HDAC4: variants seen among roughly 807,000 people sequenced by gnomAD.
HDAC4 encodes histone deacetylase A.
HDAC4 carries 16 observed loss-of-function variants against 135.1 expected under a neutral mutation model. That is an observed-to-expected ratio of 0.12 (90% confidence interval 0.08 to 0.18). The LOEUF is 0.18. Among genes scored for constraint, HDAC4 ranks in the 10% least tolerant of loss-of-function variants. HDAC4 has a pLI of 1.00. For synonymous variants in HDAC4, 685 were observed against 653.4 expected, an observed-to-expected ratio of 1.05 and a Z score of -0.74; for missense variants, 1,143 against 1,511.8, an observed-to-expected ratio of 0.76 and a Z score of 4.05.
chr2:239,092,509 C>A (rs994035648), intron 17 of HDAC4, among the ~76,000 whole-genome samples: 1 of 152,230 alleles, frequency 6.6e-6, no homozygotes, highest in Non-Finnish European at 1.5e-5. Context: ...ATTCTGCACA[C>A]CTGGGGTGCC....
In HDAC4 at chr2:239,049,652, G is replaced by A. The variant is rs112489844; in HGVS notation, c.*3445C>T. The A allele has an allele frequency of 6.6e-6, 1 of 152,502 alleles. No individual in the cohort carries two copies. The highest frequency in any genetic ancestry group is 1.5e-5 in the Non-Finnish European group (1 of 68,044). The allele number at this position is 152,502 out of a possible 1,614,324, so 9.4% of individuals were successfully genotyped here. On this transcript the variant is annotated 3_prime_UTR_variant, in exon 27 of 27. Coordinates refer to ENST00000543185, the MANE Select transcript of HDAC4 (RefSeq NM_001378414.1). ...AAAAATCAAACTTGCTTTTGTGTCA[G>A]ACCATTACGAAATGGTCCTTCCCCT... is the stretch of plus-strand genomic sequence containing the variant.
chr2:239,111,478 A>C, intron 14 of HDAC4, 48 bp downstream of exon 14: 1 of 1,559,522 alleles, frequency 6.4e-7, no homozygotes, highest in Non-Finnish European at 8.7e-7. Context: ...CGCTGTGCCC[A>C]CTGTGGCCCG....
chr2:239,386,151 G>A (rs1695790324), intron 1 of HDAC4, among the ~76,000 whole-genome samples: 1 of 151,944 alleles, frequency 6.6e-6, no homozygotes, highest in South Asian at 2.1e-4. Context: ...GAGAGTCGGA[G>A]CACAGGGAAG....
At chr2:239,085,486 C>T (rs909036661) in intron 19 of HDAC4, among the ~76,000 whole-genome samples, 1 of 152,152 alleles carries the variant, frequency 6.6e-6, no homozygotes, top group African/African-American at 2.4e-5. Context: ...GGGAGCACAG[C>T]GAAGAGCTGC....
intron 15 of HDAC4, among the ~76,000 whole-genome samples, chr2:239,104,676 C>T (rs966979316): frequency 1.6e-4 from 25 of 152,246 alleles, no homozygotes; most frequent in African/African-American, 5.8e-4. Flanking sequence ...AGGCTGTGCC[C>T]TGCGGTGCCA....
intron 12 of HDAC4, among the ~76,000 whole-genome samples, chr2:239,119,658 G>C (rs2039459613): frequency 6.6e-6 from 1 of 152,038 alleles, no homozygotes; most frequent in African/African-American, 2.4e-5. Flanking sequence ...CCAGACCTAA[G>C]GGCTGAGGAC....
intron 19 of HDAC4, among the ~76,000 whole-genome samples, chr2:239,084,467 A>G (rs551550578): frequency 2.0e-3 from 284 of 140,542 alleles, no homozygotes; most frequent in African/African-American, 3.9e-3. Context: ...GTGCGCGCGC[A>G]CACACACACA....
At chr2:239,287,281 T>C (rs1054070304) in intron 2 of HDAC4, among the ~76,000 whole-genome samples, 15 of 152,202 alleles carry the variant, frequency 9.9e-5, no homozygotes, top group African/African-American at 2.9e-4. Context: ...GCTGCGACGG[T>C]TTCTCAGACT....
At position 239,310,004 on chromosome 2, in the gene HDAC4, C is replaced by T. The variant is rs140838518; in HGVS notation, c.22+42674G>A. On this transcript the variant is annotated intron_variant, in intron 2 of 26. Coordinates refer to ENST00000543185, the MANE Select transcript of HDAC4 (RefSeq NM_001378414.1). ...TTTCTCCAGAGCAGCCTGTCCTCTTCGGTCCAGAAAAAGTCAGATTCCACA... is the reference window on the plus strand; with the variant it reads ...TTTCTCCAGAGCAGCCTGTCCTCTTTGGTCCAGAAAAAGTCAGATTCCACA... Among the ~76,000 whole-genome samples the T allele has an allele frequency of 2.9e-3, 445 of 152,316 alleles. 1 individual carries two copies. The highest frequency in any genetic ancestry group is 0.01 in the African/African-American group (426 of 41,580).
chr2:239,231,044 A>T (rs2047522752), intron 3 of HDAC4, among the ~76,000 whole-genome samples: 1 of 152,240 alleles, frequency 6.6e-6, no homozygotes, highest in African/African-American at 2.4e-5. Context: ...CGCTGAAGCC[A>T]AACGTGAATT....
chr2:239,401,459 C>G (rs898337036), upstream of HDAC4: 24 of 164,302 alleles, frequency 1.5e-4, no homozygotes, highest in Admixed American at 9.7e-4. Context: ...GGCGCAGGGA[C>G]CGGGGGCCAG....
intron 3 of HDAC4, among the ~76,000 whole-genome samples, chr2:239,235,191 C>G (rs1315223036): frequency 6.6e-6 from 1 of 151,286 alleles, no homozygotes; most frequent in African/African-American, 2.5e-5. Context: ...AAGGAGCCCC[C>G]CGAACACCCC....
At chr2:239,107,979 C>T (rs1209346698) in intron 15 of HDAC4, 71 bp downstream of exon 15, 15 of 1,584,460 alleles carry the variant, frequency 9.5e-6, no homozygotes, top group Admixed American at 3.3e-5. Flanking sequence ...CCCTGAATCA[C>T]GCGGGCCCAC....
chr2:239,383,179 A>T (rs533385006), intron 1 of HDAC4, among the ~76,000 whole-genome samples: 24 of 152,312 alleles, frequency 1.6e-4, no homozygotes, highest in Admixed American at 1.1e-3. Context: ...TTGTCGAGGA[A>T]GATGTGCTTG....
Position 239,269,477 on chromosome 2 carries a change from T to A in HDAC4, c.23-32813A>T, listed in dbSNP as rs145079957. 2.2e-3 allele frequency among the ~76,000 whole-genome samples: 335 copies of A among 152,348 alleles called. 1 individual carries two copies. Among genetic ancestry groups the A allele is most frequent in the African/African-American group, 7.6e-3 (317 of 41,584 alleles). The stretch of plus-strand genomic sequence containing the variant: ...CTGCAGGTGTCACCTCAACACCTTT[T>A]AGCTGAGTGCCAAACTCCATTCCAG... On this transcript the variant is annotated intron_variant, in intron 2 of 26. Transcript: ENST00000543185.
chr2:239,211,626 T>C (rs1195437651), intron 3 of HDAC4, among the ~76,000 whole-genome samples: 1 of 152,232 alleles, frequency 6.6e-6, no homozygotes, highest in Non-Finnish European at 1.5e-5. Flanking sequence ...TGGGACTTTG[T>C]CTGAAGCAAG....
intron 1 of HDAC4, among the ~76,000 whole-genome samples, chr2:239,367,716 T>G (rs1420914409): frequency 2.0e-5 from 3 of 152,140 alleles, no homozygotes; most frequent in Non-Finnish European, 4.4e-5. Context: ...TTAGGCTGGG[T>G]GTGGTGGCTC....
chr2:239,146,155 G>A lies in HDAC4; in HGVS notation c.734-1441C>T, dbSNP rs1052309646. Among the ~76,000 whole-genome samples the A allele has an allele frequency of 6.6e-6, 1 of 152,292 alleles. No individual in the cohort carries two copies. Among genetic ancestry groups the A allele is most frequent in the Non-Finnish European group, 1.5e-5 (1 of 68,016 alleles). On this transcript the variant is annotated intron_variant, in intron 7 of 26. Transcript: ENST00000543185. This position sits in a 1 kb window ranked among gnomAD's most constrained non-coding sequence, Gnocchi z 4.5. ...GCACACTTCTGTGCCTAACACAACC[G>A]ACCGAGGCAAGCGTAGATTCACAAG...
intron 16 of HDAC4, among the ~76,000 whole-genome samples, chr2:239,098,109 C>G (rs2037283063): frequency 6.6e-6 from 1 of 152,232 alleles, no homozygotes; most frequent in South Asian, 2.1e-4. Flanking sequence ...TGCTCATTAT[C>G]TAGCAAAGAC....
Sources: gnomAD v4.1 joint callset for allele counts (sites outside exome capture counted in the v4.1 genomes callset) on GRCh38, gnomAD v4.1.1 for gene constraint, Gnocchi (gnomAD v3.1) non-coding constraint, MANE v1.5 for transcripts, NCBI Gene and HGNC (gene_info 2026-07-23, HGNC 2026-07-21) for gene names.